TMEM272: variants seen among roughly 807,000 people sequenced by gnomAD.
The protein encoded by TMEM272 is transmembrane protein 272.
TMEM272 carries 8 observed loss-of-function variants against 3.7 expected under a neutral mutation model. The ratio of observed to expected loss-of-function variants is 2.17; its 90% CI spans 1.27 to 3.91. The LOEUF is 3.91. Among genes scored for constraint, TMEM272 ranks in the 30% most tolerant of loss-of-function variants. The probability of loss-of-function intolerance (pLI) is 0.00; values close to 1 mark genes in which losing one functional copy is unlikely to be tolerated. For missense variants in TMEM272, 166 were observed against 91.5 expected, an observed-to-expected ratio of 1.81 and a Z score of -3.32; for synonymous variants, 63 against 39.8, an observed-to-expected ratio of 1.58 and a Z score of -2.20.
chr13:51,922,149 C>T, the TMEM272 span, among the ~76,000 whole-genome samples: 15 of 152,280 alleles, frequency 9.9e-5, no homozygotes, highest in Non-Finnish European at 1.6e-4. Flanking sequence ...ACCATCCAAC[C>T]GCAGGAGTTA....
the TMEM272 span, among the ~76,000 whole-genome samples, chr13:51,925,656 C>T: frequency 5.9e-5 from 9 of 152,148 alleles, no homozygotes; most frequent in Admixed American, 2.0e-4. Flanking sequence ...GCCCCTTCCA[C>T]ACTTCCTCCC....
chr13:51,925,096 A>C, the TMEM272 span, among the ~76,000 whole-genome samples: 1 of 152,044 alleles, frequency 6.6e-6, no homozygotes, highest in Non-Finnish European at 1.5e-5. Flanking sequence ...CTCCTTTCTA[A>C]ATTTCTCTTG....
chr13:51,869,735 A>T, the TMEM272 span, among the ~76,000 whole-genome samples: 4 of 151,954 alleles, frequency 2.6e-5, no homozygotes, highest in Non-Finnish European at 4.4e-5. Context: ...TGATCCGCCC[A>T]CCTCAGCCTC....
the TMEM272 span, chr13:51,909,486 T>C: frequency 2.1e-6 from 2 of 935,764 alleles, no homozygotes; most frequent in East Asian, 2.5e-5. Context: ...TAACTTTCTG[T>C]TGAAGTTTCT....
At chr13:51,921,988 T>C in the TMEM272 span, among the ~76,000 whole-genome samples, 2 of 152,198 alleles carry the variant, frequency 1.3e-5, no homozygotes, top group South Asian at 4.1e-4. Flanking sequence ...CACTCATTTA[T>C]ACGTGTGGGT....
intron 4 of TMEM272, among the ~76,000 whole-genome samples, chr13:51,817,337 A>G (rs1956041655): frequency 6.6e-6 from 1 of 152,226 alleles, no homozygotes; most frequent in South Asian, 2.1e-4. Flanking sequence ...GAAGGCATAA[A>G]TTCATCGCCA....
rs1259545842 is a variant in TMEM272 at position 51,816,997 on chromosome 13, G to A, written c.318C>T (p.Tyr106=). 1 of 702,932 alleles carries A rather than the reference G, an allele frequency of 1.4e-6. No individual in the cohort carries two copies. The highest frequency in any genetic ancestry group is 1.7e-5 in the African/African-American group (1 of 57,254). The allele number at this position is 702,932 out of a possible 1,614,324, so 43.5% of individuals were successfully genotyped here. A position where few individuals can be genotyped will look rare whatever the true frequency, so the allele number is the denominator to read the frequency against. The change falls in exon 5 of 5, where the codon TAC becomes TAT. Residue 106 remains tyrosine, a synonymous_variant. Transcript: ENST00000629372. ...YPWRQNAHRY[Y]IHLLLSLFLF... The stretch of plus-strand genomic sequence containing the variant: ...GGAAGAGGCTCAGCAGGAGGTGGAT[G>A]TAGTATCTGTGCGCATTCTGCCTCC...
chr13:51,842,036 AACAC>A (rs140382483), intron 1 of TMEM272, among the ~76,000 whole-genome samples: 1 of 151,742 alleles, frequency 6.6e-6, no homozygotes, highest in South Asian at 2.1e-4. Flanking sequence ...TAAAATGTTA[AACAC>A]ACACACACAC....
At chr13:51,901,524 TGAA>T in the TMEM272 span, among the ~76,000 whole-genome samples, 7 of 129,494 alleles carry the variant, frequency 5.4e-5, no homozygotes, top group African/African-American at 1.8e-4. Flanking sequence ...AAGTCAAAAA[TGAA>T]GAAGAATCCA....
the TMEM272 span, among the ~76,000 whole-genome samples, chr13:51,879,829 T>A: frequency 6.6e-6 from 1 of 152,150 alleles, no homozygotes; most frequent in South Asian, 2.1e-4. Flanking sequence ...AAAGAGAGGT[T>A]TGCACAGGGT....
chr13:51,898,184 C>A, the TMEM272 span, among the ~76,000 whole-genome samples: 5 of 151,304 alleles, frequency 3.3e-5, no homozygotes, highest in African/African-American at 4.9e-5. Context: ...TGGCACTACA[C>A]TCCAGTCTGG....
the TMEM272 span, among the ~76,000 whole-genome samples, chr13:51,887,884 C>T: frequency 8.5e-5 from 13 of 152,344 alleles, no homozygotes; most frequent in African/African-American, 2.9e-4. Context: ...CCTGCTCTGC[C>T]TTATGCCTAC....
the TMEM272 span, among the ~76,000 whole-genome samples, chr13:51,907,177 T>G: frequency 6.6e-6 from 1 of 152,210 alleles, no homozygotes; most frequent in Non-Finnish European, 1.5e-5. Context: ...TCTGCTGTCT[T>G]GAACGGCCTT....
chr13:51,934,025 T>G, the TMEM272 span: 1 of 153,120 alleles, frequency 6.5e-6, no homozygotes, highest in African/African-American at 2.4e-5. Flanking sequence ...AAAAAAGAAC[T>G]CTCCTCAACT....
the TMEM272 span, among the ~76,000 whole-genome samples, chr13:51,915,051 G>A: frequency 6.6e-6 from 1 of 152,086 alleles, no homozygotes; most frequent in African/African-American, 2.4e-5. Flanking sequence ...AATACTTCAC[G>A]GCAAATTACA....
intron 2 of TMEM272, among the ~76,000 whole-genome samples, chr13:51,834,661 G>T (rs1167390755): frequency 6.6e-6 from 1 of 152,100 alleles, no homozygotes; most frequent in Non-Finnish European, 1.5e-5. Flanking sequence ...CCTTCACCCA[G>T]GCCTGAGCAG....
chr13:51,838,717 G>A (rs1288833487), intron 1 of TMEM272, among the ~76,000 whole-genome samples, 164 bp from the exon 2 acceptor site: 1 of 152,094 alleles, frequency 6.6e-6, no homozygotes, highest in East Asian at 1.9e-4. Context: ...TGGTTAGCGG[G>A]GCTGAGAAAA....
At chr13:51,933,557 C>A in the TMEM272 span, 1 of 152,272 alleles carries the variant, frequency 6.6e-6, no homozygotes, top group Non-Finnish European at 1.5e-5. Context: ...ACCCGTTCTG[C>A]TGCTCTGAGA....
the TMEM272 span, among the ~76,000 whole-genome samples, chr13:51,904,849 T>C: frequency 0.71 from 107,870 of 152,188 alleles, 39,110 homozygotes; most frequent in East Asian, 0.97. Flanking sequence ...TGTACTGATG[T>C]GGAGGCTGAA....
Sources: gnomAD v4.1 joint callset for allele counts (sites outside exome capture counted in the v4.1 genomes callset) on GRCh38, gnomAD v4.1.1 for gene constraint, MANE v1.5 for transcripts, NCBI Gene and HGNC (gene_info 2026-07-23, HGNC 2026-07-21) for gene names.